Variants in ZNF765 observed in about 807,000 individuals in gnomAD.
ZNF765 encodes the protein zinc finger protein 765.
In ZNF765, 37 loss-of-function variants were observed where a neutral mutation model predicts 44.7. The ratio of observed to expected loss-of-function variants is 0.83; its 90% CI spans 0.64 to 1.09. ZNF765 has a LOEUF of 1.09. ZNF765 is among the 50% of genes least tolerant of loss of function. ZNF765 has a pLI of 0.00. For missense variants in ZNF765, 594 were observed against 626.1 expected (o/e 0.95, Z 0.55); for synonymous variants, 201 against 213.7 (o/e 0.94, Z 0.52).
At chr19:53,396,376 C>T (rs1321311714) in intron 1 of ZNF765, among the ~76,000 whole-genome samples, 2 of 152,280 alleles carry the variant, frequency 1.3e-5, no homozygotes, top group South Asian at 4.1e-4. Flanking sequence ...AAGGTACGCA[C>T]CGGCTCAGTG....
intron 3 of ZNF765, among the ~76,000 whole-genome samples, chr19:53,406,775 C>T (rs575652050): frequency 3.9e-5 from 6 of 152,154 alleles, no homozygotes; most frequent in South Asian, 4.1e-4. Flanking sequence ...ATTAGCCAAA[C>T]GTGGTAGTGT....
intron 3 of ZNF765, among the ~76,000 whole-genome samples, chr19:53,405,923 AT>A (rs2085769623): frequency 2.8e-5 from 2 of 71,112 alleles, no homozygotes; most frequent in South Asian, 5.4e-4. Flanking sequence ...ATATATATAT[AT>A]ATATATATAT....
chr19:53,418,269 C>T (rs1396074423), intron 3 of ZNF765, among the ~76,000 whole-genome samples: 5 of 151,902 alleles, frequency 3.3e-5, no homozygotes, highest in Middle Eastern at 3.2e-3. Context: ...GGCGTGGTGG[C>T]GGGTGCCTGT....
chr19:53,414,489 ACCCCCCCCCCCCCCC>A (rs1160212994), downstream of ZNF765, among the ~76,000 whole-genome samples: 126 of 5,090 alleles, frequency 0.025, 4 homozygotes, highest in South Asian at 0.086. Context: ...ACACACACAC[ACCCCCCCCCCCCCCC>A]CCCCCGGGGA....
At chr19:53,421,027 C>T (rs1641557729) in intron 3 of ZNF765, among the ~76,000 whole-genome samples, 1 of 152,122 alleles carries the variant, frequency 6.6e-6, no homozygotes, top group African/African-American at 2.4e-5. Context: ...TCCAGCTCAT[C>T]CCTGGGAATG....
downstream of ZNF765, among the ~76,000 whole-genome samples, chr19:53,414,486 CA>C (rs376554298): frequency 7.2e-3 from 50 of 6,990 alleles, 1 homozygote; most frequent in Non-Finnish European, 0.014. Context: ...CACACACACA[CA>C]CACCCCCCCC....
intron 3 of ZNF765, among the ~76,000 whole-genome samples, chr19:53,418,776 GC>G (rs1008032973): frequency 4.6e-5 from 7 of 151,838 alleles, no homozygotes; most frequent in Non-Finnish European, 8.8e-5. Flanking sequence ...TTAGTGGTGG[GC>G]CCCTGTAATC....
chr19:53,396,285 G>A (rs1252222331), intron 1 of ZNF765, among the ~76,000 whole-genome samples: 3 of 152,104 alleles, frequency 2.0e-5, no homozygotes, highest in Admixed American at 6.5e-5. Context: ...AACAGGGAGA[G>A]CAGAGGAGGC....
At position 53,407,914 on chromosome 19, in the gene ZNF765, C is replaced by T; in HGVS notation, c.359C>T (p.Thr120Ile). ...EALMTKIKKL[T>I]GSTERYDQNY... Reference sequence around the variant, plus strand: ...CTCATGACAAAAATCAAAAAGTTGACAGGTAGTACAGAGCGATATGATCAA... The same window carrying T: ...CTCATGACAAAAATCAAAAAGTTGATAGGTAGTACAGAGCGATATGATCAA... The change falls in exon 4 of 4, where the codon ACA (threonine) becomes ATA (isoleucine). Residue 120 changes from threonine to isoleucine, a missense_variant. By Grantham distance (89) the Thr-to-Ile change is moderately conservative. Around this residue, in one of 2 missense-constraint regions of ZNF765, gnomAD observed 567 missense variants for 572.6 expected, o/e 0.99. Coordinates refer to ENST00000396408, the MANE Select transcript of ZNF765 (RefSeq NM_001040185.3). 3 of 1,613,750 alleles carry T rather than the reference C, an allele frequency of 1.9e-6. No homozygotes were observed. Among genetic ancestry groups the T allele is most frequent in the African/African-American group, 2.7e-5 (2 of 74,994 alleles).
At chr19:53,417,287 A>G (rs1340053833) in intron 3 of ZNF765, among the ~76,000 whole-genome samples, 1 of 151,954 alleles carries the variant, frequency 6.6e-6, no homozygotes, top group Non-Finnish European at 1.5e-5. Context: ...CTCCCACCCT[A>G]TGCCCTCCAA....
At position 53,407,983 on chromosome 19, in the gene ZNF765, G is replaced by A; in HGVS notation, c.428G>A (p.Ser143Asn). The A allele has an allele frequency of 6.2e-7, 1 of 1,614,180 alleles. No individual in the cohort carries two copies. Among genetic ancestry groups the A allele is most frequent in the Middle Eastern group, 1.6e-4 (1 of 6,062 alleles). ...NKPVKYQLGF[S>N]FHSHLPELHI... ...CCTGTTAAATATCAGCTTGGATTCA[G>A]CTTTCATTCGCATCTGCCTGAACTG... The change falls in exon 4 of 4, where the codon AGC becomes AAC. Residue 143 changes from serine (S) to asparagine (N), a missense_variant. Physicochemically the swap from Ser to Asn is conservative, Grantham distance 46. Coordinates refer to ENST00000396408, the MANE Select transcript of ZNF765 (RefSeq NM_001040185.3).
chr19:53,412,316 A>G (rs189342288), downstream of ZNF765, among the ~76,000 whole-genome samples: 249 of 152,336 alleles, frequency 1.6e-3, 1 homozygote, highest in African/African-American at 5.8e-3. Context: ...TTCAAGTGGC[A>G]TATCACATTG....
chr19:53,415,391 CTGAA>C (rs1470437766), downstream of ZNF765, among the ~76,000 whole-genome samples: 3 of 152,122 alleles, frequency 2.0e-5, no homozygotes, highest in South Asian at 6.2e-4. Flanking sequence ...AACAGAATAT[CTGAA>C]TGGTGTGTAT....
intron 3 of ZNF765, among the ~76,000 whole-genome samples, 189 bp downstream of exon 3, chr19:53,402,380 C>A (rs1568776586): frequency 1.3e-5 from 2 of 150,762 alleles, no homozygotes; most frequent in Non-Finnish European, 2.9e-5. Context: ...CTTCAGCCTC[C>A]CAAGTAGCTG....
chr19:53,396,697 C>G (rs1249421729), intron 1 of ZNF765, among the ~76,000 whole-genome samples: 1 of 152,166 alleles, frequency 6.6e-6, no homozygotes, highest in Non-Finnish European at 1.5e-5. Flanking sequence ...GCTTGCTAGG[C>G]AGAGGAAAAC....
chr19:53,396,312 G>A (rs1462572670), intron 1 of ZNF765, among the ~76,000 whole-genome samples: 6 of 152,238 alleles, frequency 3.9e-5, no homozygotes, highest in South Asian at 4.1e-4. Context: ...ATGGTGTTGC[G>A]GGAAACTAAG....
intron 2 of ZNF765, among the ~76,000 whole-genome samples, chr19:53,399,962 C>G (rs2081174268): frequency 6.6e-6 from 1 of 152,008 alleles, no homozygotes; most frequent in Admixed American, 6.6e-5. Flanking sequence ...TTACAGGGGC[C>G]TGCTACCATG....
At chr19:53,414,480 CACACACACA>C (rs1568786056), downstream of ZNF765, among the ~76,000 whole-genome samples, 9 of 8,662 alleles carry the variant, frequency 1.0e-3, no homozygotes, top group Non-Finnish European at 2.6e-3. Flanking sequence ...CACACACACA[CACACACACA>C]CCCCCCCCCC....
Position 53,407,924 on chromosome 19 carries a change from A to C in ZNF765, c.369A>C (p.Thr123=). Residue 123 remains threonine (T), a synonymous_variant, in exon 4 of 4, where the codon ACA becomes ACC. Coordinates refer to ENST00000396408, the MANE Select transcript of ZNF765 (RefSeq NM_001040185.3). Reference sequence around the variant, plus strand: ...AAATCAAAAAGTTGACAGGTAGTACAGAGCGATATGATCAAAATTATGCTG... The same window carrying C: ...AAATCAAAAAGTTGACAGGTAGTACCGAGCGATATGATCAAAATTATGCTG... ...MTKIKKLTGS[T]ERYDQNYAGN... 2 of 1,614,200 alleles carry C rather than the reference A, an allele frequency of 1.2e-6. No individual in the cohort carries two copies. The highest frequency in any genetic ancestry group is 1.7e-6 in the Non-Finnish European group (2 of 1,180,040).
Sources: gnomAD v4.1 joint callset for allele counts (sites outside exome capture counted in the v4.1 genomes callset) on GRCh38, gnomAD v4.1.1 for gene constraint, gnomAD v4.1.1 regional missense constraint, MANE v1.5 for transcripts, NCBI Gene and HGNC (gene_info 2026-07-23, HGNC 2026-07-21) for gene names.